The following DYNC2H1 variants were observed in gnomAD, a reference collection of about 807,000 sequenced individuals.
The protein encoded by DYNC2H1 is dynein cytoplasmic 2 heavy chain 1.
Under a neutral mutation model 570.0 loss-of-function variants are expected in DYNC2H1, and 410 were observed. That is an observed-to-expected ratio of 0.72 (90% CI 0.66 to 0.78). The LOEUF is 0.78. DYNC2H1 is among the 30% of genes least tolerant of loss of function. The pLI, the probability that DYNC2H1 is intolerant of heterozygous loss-of-function variation, is 0.00. For missense variants in DYNC2H1, 4,865 were observed against 5,046.4 expected, an observed-to-expected ratio of 0.96 and a Z score of 1.09; for synonymous variants, 1,688 against 1,677.6, an observed-to-expected ratio of 1.01 and a Z score of -0.15.
chr11:103,144,365 T>G (rs1362339772), intron 18 of DYNC2H1, among the ~76,000 whole-genome samples: 3 of 152,210 alleles, frequency 2.0e-5, no homozygotes, highest in Non-Finnish European at 4.4e-5. Flanking sequence ...TAATTGTGAT[T>G]AGTATCAAGT....
rs886449642 is a variant in DYNC2H1 at position 103,245,691 on chromosome 11, G to C, written c.10042+317G>C. ...CCATATTGTTTGTACAAACAGTTTAGGCACAGTGAGCCACTTTTTTGAGTT... is the reference window on the plus strand; with the variant it reads ...CCATATTGTTTGTACAAACAGTTTACGCACAGTGAGCCACTTTTTTGAGTT... On this transcript the variant is annotated intron_variant, in intron 65 of 88. Transcript: ENST00000375735. This position sits in a 1 kb window ranked among gnomAD's most constrained non-coding sequence, Gnocchi z 4.5. 6.6e-6 allele frequency among the ~76,000 whole-genome samples: 1 copy of C among 152,054 alleles called. No individual in the cohort carries two copies. The highest frequency in any genetic ancestry group is 2.4e-5 in the African/African-American group (1 of 41,428).
At chr11:103,429,994 A>G (rs1943830103) in intron 84 of DYNC2H1, among the ~76,000 whole-genome samples, 1 of 152,328 alleles carries the variant, frequency 6.6e-6, no homozygotes, top group South Asian at 2.1e-4. Context: ...CATTTTCAGA[A>G]CCTAAAATCC....
At position 103,153,289 on chromosome 11, in the gene DYNC2H1, T is replaced by C. The variant is rs1199849575; in HGVS notation, c.3097-14T>C. Reference sequence around the variant, plus strand: ...TACTCTGCATTAAATTATTTAAATTTTATTGGCTTATAGATTGAAGTGATG... The same window carrying C: ...TACTCTGCATTAAATTATTTAAATTCTATTGGCTTATAGATTGAAGTGATG... On this transcript the variant is annotated splice_polypyrimidine_tract_variant and intron_variant, in intron 21 of 88. Transcript: ENST00000375735. 2 of 1,515,100 alleles carry C rather than the reference T, an allele frequency of 1.3e-6. No individual in the cohort carries two copies. Among genetic ancestry groups the C allele is most frequent in the African/African-American group, 2.8e-5 (2 of 70,598 alleles). 93.9% of individuals were successfully genotyped at this position (1,515,100 alleles called of 1,614,324 possible).
At position 103,133,422 on chromosome 11, in the gene DYNC2H1, A is replaced by C; in HGVS notation, c.1954-133A>C. On this transcript the variant is annotated intron_variant, in intron 13 of 88. Transcript: ENST00000375735. This position sits in a 1 kb window ranked among gnomAD's most constrained non-coding sequence, Gnocchi z 4.8. ...TTGCCAGACTGCCTTATCATTTATA[A>C]AATGGAAAATTATTATGTGCTTTCT... The C allele has an allele frequency of 1.3e-6, 1 of 775,556 alleles. No individual in the cohort carries two copies. The highest frequency in any genetic ancestry group is 1.9e-6 in the Non-Finnish European group (1 of 515,386). The allele number at this position is 775,556 out of a possible 1,614,324, so 48.0% of individuals were successfully genotyped here.
chr11:103,278,389 A>T lies in DYNC2H1; in HGVS notation c.10696-1959A>T, dbSNP rs375791912. Reference sequence around the variant, plus strand: ...TGCTTCAGATACATTATCTAATCTAATTATTAAAATAATGCAGTGAGGTAG... The same window carrying T: ...TGCTTCAGATACATTATCTAATCTATTTATTAAAATAATGCAGTGAGGTAG... On this transcript the variant is annotated intron_variant, in intron 70 of 88. Coordinates refer to ENST00000375735, the MANE Select transcript of DYNC2H1 (RefSeq NM_001377.3). Among the ~76,000 whole-genome samples, 6 of 152,266 alleles carry T rather than the reference A, an allele frequency of 3.9e-5. No homozygotes were observed. The South Asian group carries it at 1.2e-3, about 32-fold the overall frequency.
rs1591516972 is a variant in DYNC2H1 at position 103,280,235 on chromosome 11, A to G, written c.10696-113A>G. ...TAGTAATTTCTTACATCGATAAAAA[A>G]GTAGGTCATATGAAGACAGAATAGA... On this transcript the variant is annotated intron_variant, in intron 70 of 88. Transcript: ENST00000375735. This position sits in a 1 kb window ranked among gnomAD's most constrained non-coding sequence, Gnocchi z 4.7. 2 of 962,702 alleles carry G rather than the reference A, an allele frequency of 2.1e-6. No individual in the cohort carries two copies. Among genetic ancestry groups the G allele is most frequent in the Non-Finnish European group, 3.1e-6 (2 of 635,882 alleles). 59.6% of individuals were successfully genotyped at this position (962,702 alleles called of 1,614,324 possible).
At chr11:103,347,561 G>T (rs578012583) in intron 82 of DYNC2H1, among the ~76,000 whole-genome samples, 5 of 152,262 alleles carry the variant, frequency 3.3e-5, no homozygotes, top group Admixed American at 3.3e-4. Flanking sequence ...AGTGTTGACA[G>T]TTGTTGAATC....
At chr11:103,148,650 C>T in intron 20 of DYNC2H1, 33 bp downstream of exon 20, 1 of 1,533,714 alleles carries the variant, frequency 6.5e-7, no homozygotes, top group Non-Finnish European at 8.8e-7. Context: ...ATTATTATTA[C>T]TTTTTACTGC....
At position 103,479,267 on chromosome 11, in the gene DYNC2H1, C is replaced by T. The variant is rs747490663; in HGVS notation, c.*14C>T. On this transcript the variant is annotated 3_prime_UTR_variant, in exon 89 of 89. Transcript: ENST00000375735. ...AAAAATCAGTAGAATCTAATGACAA[C>T]AAAAGCCATCTTCACAAAAGGGAAC... 1 of 1,602,154 alleles carries T rather than the reference C, an allele frequency of 6.2e-7. No individual in the cohort carries two copies. Among genetic ancestry groups the T allele is most frequent in the Non-Finnish European group, 8.5e-7 (1 of 1,173,036 alleles).
Position 103,303,151 on chromosome 11 carries a change from G to C in DYNC2H1, c.11154G>C (p.Leu3718=). 1 of 1,611,560 alleles carries C rather than the reference G, an allele frequency of 6.2e-7. No individual in the cohort carries two copies. The highest frequency in any genetic ancestry group is 1.1e-5 in the South Asian group (1 of 90,760). ...LNLKRLYKET[L]EIEPILIIIS... is the part of the protein sequence containing the mutation. ...TCAAACGTTTATACAAAGAGACACT[G>C]GAAATTGAACCCATCTTGATAATTA... The change falls in exon 76 of 89, where the codon CTG becomes CTC. Residue 3718 remains leucine (L), a synonymous_variant. Transcript: ENST00000375735.
At chr11:103,309,378 A>T in intron 78 of DYNC2H1, among the ~76,000 whole-genome samples, 1 of 144,982 alleles carries the variant, frequency 6.9e-6, no homozygotes. Context: ...CTTTTTTTTG[A>T]GAGACGAGGC....
At chr11:103,269,075 T>C (rs754860526) in intron 70 of DYNC2H1, among the ~76,000 whole-genome samples, 1 of 152,196 alleles carries the variant, frequency 6.6e-6, no homozygotes, top group Non-Finnish European at 1.5e-5. Context: ...GTTGAGAGGC[T>C]TAAGCTTATT....
At chr11:103,447,446 GA>G (rs765722483) in intron 85 of DYNC2H1, among the ~76,000 whole-genome samples, 3 of 152,120 alleles carry the variant, frequency 2.0e-5, no homozygotes, top group African/African-American at 4.8e-5. Flanking sequence ...TGTACAGCTT[GA>G]GACTTTTCAG....
rs184265547 is a variant in DYNC2H1, at chr11:103,363,518, C to T, written c.12156+5159C>T. On this transcript the variant is annotated intron_variant, in intron 83 of 88. Transcript: ENST00000375735. The surrounding 1 kb of genome is among the most constrained non-coding windows in gnomAD (Gnocchi z 5.6). ...CTCTTATTCTAAAAAAAATGTTTTC[C>T]GAGTTTGTTCTTTCCCAAACTTGAG... Among the ~76,000 whole-genome samples, 3 of 152,178 alleles carry T rather than the reference C, an allele frequency of 2.0e-5. No homozygotes were observed. The highest frequency in any genetic ancestry group is 2.9e-5 in the Non-Finnish European group (2 of 67,996).
In DYNC2H1 at chr11:103,367,728, T is replaced by C. The variant is rs183194355; in HGVS notation, c.12156+9369T>C. 2.0e-3 allele frequency among the ~76,000 whole-genome samples: 304 copies of C among 152,266 alleles called. 3 individuals are homozygous for C. Among genetic ancestry groups the C allele is most frequent in the East Asian group, 2.1e-3 (11 of 5,182 alleles). On this transcript the variant is annotated intron_variant, in intron 83 of 88. Transcript: ENST00000375735. ...CTTATTCCTTATATCTAATTATAAC[T>C]TTGTACTTGTTGAACAACCTCTTTT... is the stretch of plus-strand genomic sequence containing the variant.
At position 103,181,726 on chromosome 11, in the gene DYNC2H1, A is replaced by G. The variant is rs1565373253; in HGVS notation, c.6348-31A>G. On this transcript the variant is annotated intron_variant, in intron 39 of 88. Transcript: ENST00000375735. This position sits in a 1 kb window ranked among gnomAD's most constrained non-coding sequence, Gnocchi z 5.0. ...AATGTAAATTGATAATTTCTTCCTAAGTAATTTTTTATTTGTCTAAACTGT... is the reference window on the plus strand; with the variant it reads ...AATGTAAATTGATAATTTCTTCCTAGGTAATTTTTTATTTGTCTAAACTGT... The G allele has an allele frequency of 2.7e-6, 4 of 1,504,512 alleles. No individual in the cohort carries two copies. The highest frequency in any genetic ancestry group is 1.3e-5 in the South Asian group (1 of 75,960). The allele number at this position is 1,504,512 out of a possible 1,614,324, so 93.2% of individuals were successfully genotyped here.
intron 82 of DYNC2H1, among the ~76,000 whole-genome samples, chr11:103,352,029 G>A (rs947810012): frequency 2.0e-5 from 3 of 151,824 alleles, no homozygotes; most frequent in Admixed American, 6.6e-5. Context: ...AACTTTGTAT[G>A]GTATAAAGTT....
intron 85 of DYNC2H1, among the ~76,000 whole-genome samples, chr11:103,449,554 A>G (rs563014790): frequency 1.3e-4 from 20 of 152,310 alleles, no homozygotes; most frequent in African/African-American, 4.8e-4. Context: ...CTTACACTCA[A>G]CCACGTAATC....
Position 103,223,047 on chromosome 11 carries a change from G to C in DYNC2H1, c.9314G>C (p.Arg3105Pro), listed in dbSNP as rs749815980. ...ATTCAGTATTCCCATGTCTTGGAAC[G>C]AATTCATCCTTTGGAAACTGAACAG... is the stretch of plus-strand genomic sequence containing the variant. ...ANIQYSHVLERIHPLETEQAG... is the reference protein window; with the variant it reads ...ANIQYSHVLEPIHPLETEQAG... Residue 3105 changes from arginine (R) to proline (P), a missense_variant, in exon 59 of 89, where the codon CGA (arginine) becomes CCA (proline). Coordinates refer to ENST00000375735, the MANE Select transcript of DYNC2H1 (RefSeq NM_001377.3). 6.2e-7 allele frequency: 1 copy of C among 1,613,068 alleles called. No individual in the cohort carries two copies.
Sources: allele counts gnomAD v4.1 joint callset (sites outside exome capture counted in the v4.1 genomes callset), GRCh38; gene constraint gnomAD v4.1.1; non-coding constraint Gnocchi (gnomAD v3.1); transcripts MANE v1.5; gene names NCBI Gene and HGNC (gene_info 2026-07-23, HGNC 2026-07-21).